Variants in NELL2 observed in about 807,000 individuals in gnomAD.
NELL2 encodes the protein protein kinase C-binding protein NELL2.
In NELL2, 41 loss-of-function variants were observed where a neutral mutation model predicts 109.6. That is an observed-to-expected ratio of 0.37 (90% CI 0.29 to 0.49). The LOEUF (loss-of-function observed/expected upper bound fraction) is 0.49, where lower values mean the gene tolerates loss of function less well. Ranked by LOEUF, NELL2 falls within the 20% of genes least tolerant of loss-of-function variation. NELL2 has a pLI of 0.98. For synonymous variants in NELL2, 355 were observed against 344.7 expected (o/e 1.03, Z -0.33); for missense variants, 900 against 1,008.3 (o/e 0.89, Z 1.45).
At chr12:44,742,425 C>G (rs1243227230) in intron 9 of NELL2, among the ~76,000 whole-genome samples, 1 of 152,222 alleles carries the variant, frequency 6.6e-6, no homozygotes, top group East Asian at 1.9e-4. Flanking sequence ...AGGAACGCAG[C>G]TCCTCACCAG....
chr12:44,709,051 C>T (rs1053677322), intron 11 of NELL2, among the ~76,000 whole-genome samples: 1 of 151,878 alleles, frequency 6.6e-6, no homozygotes, highest in Non-Finnish European at 1.5e-5. Flanking sequence ...AGCTTTTTAC[C>T]CAAATCTTAT....
chr12:44,654,137 A>G (rs554897590), intron 13 of NELL2, among the ~76,000 whole-genome samples: 1 of 152,302 alleles, frequency 6.6e-6, no homozygotes, highest in Non-Finnish European at 1.5e-5. Flanking sequence ...TTTTTTGGCT[A>G]CAAATTGTAC....
chr12:44,581,083 T>G (rs1321072252), intron 15 of NELL2, among the ~76,000 whole-genome samples: 1 of 152,174 alleles, frequency 6.6e-6, no homozygotes, highest in East Asian at 1.9e-4. Flanking sequence ...TGAAAGTGAT[T>G]CCATATCTAT....
intron 19 of NELL2, among the ~76,000 whole-genome samples, chr12:44,513,816 T>C (rs1250435334): frequency 6.6e-6 from 1 of 151,750 alleles, no homozygotes; most frequent in Non-Finnish European, 1.5e-5. Flanking sequence ...AATTGGAGTC[T>C]CAGAAAACTA....
At chr12:44,553,483 C>T (rs189080523) in intron 15 of NELL2, among the ~76,000 whole-genome samples, 11 of 152,172 alleles carry the variant, frequency 7.2e-5, no homozygotes, top group African/African-American at 1.7e-4. Context: ...ATAAAGTGCT[C>T]TTCTCCTATT....
At chr12:44,725,052 A>G (rs1189476276) in intron 9 of NELL2, among the ~76,000 whole-genome samples, 1 of 152,176 alleles carries the variant, frequency 6.6e-6, no homozygotes, top group Non-Finnish European at 1.5e-5. Context: ...TGCTAGGATA[A>G]CTGGCTAGCC....
intron 15 of NELL2, among the ~76,000 whole-genome samples, chr12:44,545,237 T>C (rs1472105752): frequency 6.6e-6 from 1 of 152,110 alleles, no homozygotes; most frequent in Non-Finnish European, 1.5e-5. Flanking sequence ...GCAGTTTCTA[T>C]TCCTTTCACA....
rs112726666 is a variant in NELL2, at chr12:44,822,237, C to A, written c.185-6101G>T. On this transcript the variant is annotated intron_variant, in intron 2 of 19. Transcript: ENST00000429094. ...AGCTGTTCATAGCATGTAGTAAAGA[C>A]CATGGGTTTATTATGAGGATTATAA... Among the ~76,000 whole-genome samples, 1,245 of 152,138 alleles carry A rather than the reference C, an allele frequency of 8.2e-3. 16 individuals are homozygous for A. Among genetic ancestry groups the A allele is most frequent in the African/African-American group, 0.028 (1,163 of 41,474 alleles).
At chr12:44,588,573 A>G (rs17649306) in intron 15 of NELL2, among the ~76,000 whole-genome samples, 19,595 of 152,240 alleles carry the variant, frequency 0.13, 1,693 homozygotes, top group East Asian at 0.2. Flanking sequence ...ATCTGAAAGT[A>G]TGCTTATGTA....
chr12:44,830,475 T>C (rs1943851624), intron 2 of NELL2, among the ~76,000 whole-genome samples: 1 of 152,176 alleles, frequency 6.6e-6, no homozygotes. Flanking sequence ...GCTACATTTT[T>C]TTCTATGAGT....
Position 44,875,847 on chromosome 12 carries a change from C to G in NELL2, c.23G>C (p.Arg8Thr). 6.2e-7 allele frequency: 1 copy of G among 1,614,028 alleles called. No individual in the cohort carries two copies. Among genetic ancestry groups the G allele is most frequent in the Middle Eastern group, 1.7e-4 (1 of 6,058 alleles). MESRVLL[R>T]TFCLIFGLGA... ...GAGACCGAAGATCAAACAGAATGTTCTCAGTAAGACCCGAGACTCCATGGT... is the reference window on the plus strand; with the variant it reads ...GAGACCGAAGATCAAACAGAATGTTGTCAGTAAGACCCGAGACTCCATGGT... Residue 8 changes from arginine (R) to threonine (T), a missense_variant, in exon 1 of 20, where the codon AGA becomes ACA. By Grantham distance (71) the Arg-to-Thr change is moderately conservative. Transcript: ENST00000429094.
intron 9 of NELL2, among the ~76,000 whole-genome samples, chr12:44,760,138 T>G (rs1162590064): frequency 6.6e-6 from 1 of 152,198 alleles, no homozygotes; most frequent in Non-Finnish European, 1.5e-5. Flanking sequence ...TCCTTATCAC[T>G]TAAGCATTCC....
intron 15 of NELL2, among the ~76,000 whole-genome samples, chr12:44,564,442 A>C (rs1213745090): frequency 6.6e-5 from 10 of 152,228 alleles, no homozygotes; most frequent in African/African-American, 1.7e-4. Context: ...TTCAGTATTT[A>C]TATAGTATCC....
intron 19 of NELL2, among the ~76,000 whole-genome samples, chr12:44,514,524 T>C (rs1941161417): frequency 6.6e-6 from 1 of 151,370 alleles, no homozygotes; most frequent in Non-Finnish European, 1.5e-5. Flanking sequence ...ATTATAATTA[T>C]ATTTTATTAT....
intron 13 of NELL2, among the ~76,000 whole-genome samples, chr12:44,658,221 T>C (rs558993046): frequency 1.6e-4 from 25 of 152,278 alleles, no homozygotes; most frequent in African/African-American, 5.5e-4. Context: ...CAAAATCTCT[T>C]TTAAGCTGAT....
At chr12:44,586,512 T>A (rs1287952604) in intron 15 of NELL2, among the ~76,000 whole-genome samples, 2 of 152,114 alleles carry the variant, frequency 1.3e-5, no homozygotes, top group Non-Finnish European at 2.9e-5. Context: ...TCTATCTACC[T>A]ATATAATTTT....
chr12:44,815,808 AG>A, intron 3 of NELL2, 177 bp downstream of exon 3: 1 of 549,764 alleles, frequency 1.8e-6, no homozygotes, highest in Non-Finnish European at 3.0e-6. Flanking sequence ...TAGAAGAGAC[AG>A]GGTTTCACCA....
intron 13 of NELL2, among the ~76,000 whole-genome samples, chr12:44,627,840 T>C (rs1946320119): frequency 6.6e-6 from 1 of 152,190 alleles, no homozygotes; most frequent in South Asian, 2.1e-4. Context: ...AGAACACCAA[T>C]ATGTTAGCAG....
chr12:44,790,141 T>C (rs1739745311), intron 3 of NELL2, among the ~76,000 whole-genome samples: 1 of 152,118 alleles, frequency 6.6e-6, no homozygotes, highest in South Asian at 2.1e-4. Flanking sequence ...GGGAAATTCA[T>C]CATAAAAAGA....
Sources: allele counts gnomAD v4.1 joint callset (sites outside exome capture counted in the v4.1 genomes callset), GRCh38; gene constraint gnomAD v4.1.1; transcripts MANE v1.5; gene names NCBI Gene and HGNC (gene_info 2026-07-23, HGNC 2026-07-21).